Variants in MAGI1 observed in about 807,000 individuals in gnomAD.
MAGI1 encodes the protein membrane-associated guanylate kinase, WW and PDZ domain-containing protein 1.
A neutral mutation model predicts 139.9 loss-of-function variants in MAGI1; 58 were observed. The observed-to-expected ratio is 0.41, with a 90% CI of 0.34 to 0.52. The LOEUF (loss-of-function observed/expected upper bound fraction) is 0.52, where lower values mean the gene tolerates loss of function less well. MAGI1 is among the 20% of genes least tolerant of loss of function. The pLI, the probability that MAGI1 is intolerant of heterozygous loss-of-function variation, is 0.12. For missense variants in MAGI1, 1,874 were observed against 1,901.6 expected (o/e 0.99, Z 0.27); for synonymous variants, 812 against 737.9 (o/e 1.10, Z -1.63).
rs527961354 is a variant in MAGI1, at chr3:65,590,620, G to A, written c.430+31352C>T. On this transcript the variant is annotated intron_variant, in intron 2 of 22. Transcript: ENST00000402939. ...TGCTACTTAGCTGTCCCCCCCATTC[G>A]TCTTTAATTAGCTGCTTGAACAATG... Among the ~76,000 whole-genome samples, 7 of 152,230 alleles carry A rather than the reference G, an allele frequency of 4.6e-5. No individual in the cohort carries two copies. In the South Asian group the frequency reaches 8.3e-4, roughly 18 times the overall value.
intron 1 of MAGI1, among the ~76,000 whole-genome samples, chr3:65,657,593 T>C (rs1375408710): frequency 6.6e-6 from 1 of 152,174 alleles, no homozygotes; most frequent in Non-Finnish European, 1.5e-5. Flanking sequence ...CACCACTCTC[T>C]GTTAAAGGAG....
intron 1 of MAGI1, among the ~76,000 whole-genome samples, chr3:65,682,026 A>G (rs756644779): frequency 6.6e-6 from 1 of 152,192 alleles, no homozygotes; most frequent in Non-Finnish European, 1.5e-5. Context: ...AAGGGGGCAA[A>G]AATAACATCA....
chr3:65,394,893 G>C (rs1944260951), intron 13 of MAGI1, among the ~76,000 whole-genome samples: 1 of 152,144 alleles, frequency 6.6e-6, no homozygotes, highest in Non-Finnish European at 1.5e-5. Flanking sequence ...CACAGGAGCA[G>C]ATTTGCATTT....
At chr3:65,931,157 C>G (rs771158299) in intron 1 of MAGI1, among the ~76,000 whole-genome samples, 23 of 151,976 alleles carry the variant, frequency 1.5e-4, no homozygotes, top group Non-Finnish European at 2.8e-4. Context: ...CTCAGCCTCC[C>G]GAGTAGCTGA....
chr3:65,923,971 A>G (rs2062367683), intron 1 of MAGI1, among the ~76,000 whole-genome samples: 1 of 152,214 alleles, frequency 6.6e-6, no homozygotes, highest in Admixed American at 6.5e-5. Context: ...AAAATAATTA[A>G]AGTGTTTTTT....
intron 1 of MAGI1, among the ~76,000 whole-genome samples, chr3:65,820,312 G>C (rs1411663963): frequency 6.6e-6 from 1 of 152,136 alleles, no homozygotes; most frequent in Non-Finnish European, 1.5e-5. Context: ...AGTTTTAGAA[G>C]CTTGTTCATT....
In MAGI1 at chr3:65,845,713, A is replaced by G. The variant is rs529893239; in HGVS notation, c.313+192283T>C. ...AACTTGATGTGTTAAGTTCACTCCC[A>G]TGTGGCAGCTCTTAGCTCTTCCTCC... On this transcript the variant is annotated intron_variant, in intron 1 of 22. Transcript: ENST00000402939. 3.9e-5 allele frequency among the ~76,000 whole-genome samples: 6 copies of G among 152,274 alleles called. No individual in the cohort carries two copies. In the South Asian group the frequency reaches 1.2e-3, roughly 32 times the overall value.
chr3:65,999,444 A>G (rs1363254375), intron 1 of MAGI1, among the ~76,000 whole-genome samples: 2 of 152,180 alleles, frequency 1.3e-5, no homozygotes, highest in African/African-American at 4.8e-5. Context: ...ATAAATGATT[A>G]TGACCTACCG....
intron 1 of MAGI1, among the ~76,000 whole-genome samples, chr3:65,862,631 C>G (rs1318906154): frequency 1.3e-5 from 2 of 152,144 alleles, no homozygotes; most frequent in Non-Finnish European, 2.9e-5. Flanking sequence ...GACATGAGAC[C>G]ATTTCAGGCT....
At chr3:65,707,279 A>G (rs1054428208) in intron 1 of MAGI1, among the ~76,000 whole-genome samples, 4 of 152,218 alleles carry the variant, frequency 2.6e-5, no homozygotes. Flanking sequence ...GGTTGATGCT[A>G]TGCCACATAG....
At chr3:65,676,809 T>C (rs1270331220) in intron 1 of MAGI1, among the ~76,000 whole-genome samples, 2 of 152,210 alleles carry the variant, frequency 1.3e-5, no homozygotes, top group Non-Finnish European at 2.9e-5. Context: ...AATCTGTCAA[T>C]GAATCACACA....
intron 9 of MAGI1, among the ~76,000 whole-genome samples, chr3:65,438,217 T>C (rs557398860): frequency 6.6e-6 from 1 of 152,228 alleles, no homozygotes; most frequent in African/African-American, 2.4e-5. Context: ...TAAAATTATG[T>C]CTTTTGCGGC....
rs994135696 is a variant in MAGI1 at position 65,928,634 on chromosome 3, T to C, written c.313+109362A>G. Among the ~76,000 whole-genome samples, 37 of 152,186 alleles carry C rather than the reference T, an allele frequency of 2.4e-4. 1 individual carries two copies. Among genetic ancestry groups the C allele is most frequent in the Non-Finnish European group, 2.9e-5 (2 of 68,028 alleles). On this transcript the variant is annotated intron_variant, in intron 1 of 22. Transcript: ENST00000402939. ...TTTCCTTTCAGCCGAAAGACTAAAA[T>C]TCTATAGTACATGTCAAACTACATT...
At chr3:65,734,516 A>T (rs2107748977) in intron 1 of MAGI1, among the ~76,000 whole-genome samples, 1 of 150,102 alleles carries the variant, frequency 6.7e-6, no homozygotes, top group African/African-American at 2.5e-5. Flanking sequence ...AGAGAGAAAG[A>T]AAGAGAGAAA....
chr3:65,434,725 G>C (rs978326685), intron 10 of MAGI1, among the ~76,000 whole-genome samples: 1 of 152,182 alleles, frequency 6.6e-6, no homozygotes, highest in African/African-American at 2.4e-5. Flanking sequence ...ACAGCTTGGA[G>C]CCAAATGGTA....
intron 1 of MAGI1, among the ~76,000 whole-genome samples, chr3:66,026,189 C>G (rs1344842679): frequency 6.6e-6 from 1 of 152,102 alleles, no homozygotes; most frequent in African/African-American, 2.4e-5. Flanking sequence ...TGGTAAAATA[C>G]TATTTAAACC....
At position 66,038,542 on chromosome 3, in the gene MAGI1, T is replaced by C. The variant is rs2069064180; in HGVS notation, c.-234A>G. On this transcript the variant is annotated 5_prime_UTR_variant, in exon 1 of 23. Coordinates refer to ENST00000402939, the MANE Select transcript of MAGI1 (RefSeq NM_001033057.2). ...CGCACAGGCGCCCGCGAGCTTTGTTTGCATTCCGGTGCCTCTGGGTCCACG... is the reference window on the plus strand; with the variant it reads ...CGCACAGGCGCCCGCGAGCTTTGTTCGCATTCCGGTGCCTCTGGGTCCACG... 1.4e-5 allele frequency: 7 copies of C among 511,034 alleles called. No individual in the cohort carries two copies. In the South Asian group the frequency reaches 3.0e-4, roughly 22 times the overall value. The allele number at this position is 511,034 out of a possible 1,614,324, so 31.7% of individuals were successfully genotyped here.
At chr3:66,004,012 G>T (rs2066887822) in intron 1 of MAGI1, 1 of 152,140 alleles carries the variant, frequency 6.6e-6, no homozygotes. Context: ...CACCCCCTTT[G>T]TAAACTAAAA....
intron 1 of MAGI1, among the ~76,000 whole-genome samples, chr3:65,955,150 G>A (rs924858218): frequency 1.3e-5 from 2 of 152,088 alleles, no homozygotes; most frequent in Non-Finnish European, 2.9e-5. Flanking sequence ...GAAACACAGA[G>A]ACAGGGAGGA....
Sources: allele counts gnomAD v4.1 joint callset (sites outside exome capture counted in the v4.1 genomes callset), GRCh38; gene constraint gnomAD v4.1.1; transcripts MANE v1.5; gene names NCBI Gene and HGNC (gene_info 2026-07-23, HGNC 2026-07-21).